PFKFB1: variants seen among roughly 807,000 people sequenced by gnomAD.
The protein encoded by PFKFB1 is 6-phosphofructo-2-kinase/fructose-2,6-biphosphatase 1.
Under a neutral mutation model 46.4 loss-of-function variants are expected in PFKFB1, and 34 were observed. That is an observed-to-expected ratio of 0.73 (90% confidence interval 0.56 to 0.98). The LOEUF (loss-of-function observed/expected upper bound fraction) is 0.98. Among genes scored for constraint, PFKFB1 ranks in the 50% least tolerant of loss-of-function variants. PFKFB1 has a pLI of 0.00. For synonymous variants in PFKFB1, 119 were observed against 133.8 expected, an observed-to-expected ratio of 0.89 and a Z score of 0.76; for missense variants, 393 against 376.3, an observed-to-expected ratio of 1.04 and a Z score of -0.37.
At chrX:54,994,328 G>A (rs1935323271), upstream of PFKFB1, 1 of 752,076 alleles carries the variant, frequency 1.3e-6, no homozygotes, top group Non-Finnish European at 1.6e-6. Context: ...AACAAGGAAG[G>A]CAGCCAGCAA....
At chrX:54,992,113 G>C (rs1935257493) in intron 1 of PFKFB1, among the ~76,000 whole-genome samples, 1 of 111,066 alleles carries the variant, frequency 9.0e-6, no homozygotes, top group Non-Finnish European at 1.9e-5. Context: ...ATGAGTGACT[G>C]TCTTGTACAC....
chrX:54,955,460 G>T (rs1353360292), intron 7 of PFKFB1, among the ~76,000 whole-genome samples: 1 of 109,602 alleles, frequency 9.1e-6, no homozygotes, highest in African/African-American at 3.5e-5. Context: ...TCTTTAGTTG[G>T]TATGATGACA....
rs147013214 is a variant in PFKFB1 at position 54,960,889 on chromosome X, C to T, written c.252G>A (p.Glu84=). ...KVFNLGQYRR[E]AVSYKNYEFF... Reference sequence around the variant, plus strand: ...ATTCATAGTTCTTGTAGCTCACTGCCTCTCGTCGATACTGGCCTAAATTAA... The same window carrying T: ...ATTCATAGTTCTTGTAGCTCACTGCTTCTCGTCGATACTGGCCTAAATTAA... The change falls in exon 3 of 14, where the codon GAG becomes GAA. Residue 84 remains glutamate, a synonymous_variant. Transcript: ENST00000375006. The T allele has an allele frequency of 6.0e-3, 7,114 of 1,190,212 alleles. 14 individuals carry two copies. The highest frequency in any genetic ancestry group is 7.2e-3 in the Non-Finnish European group (6,343 of 880,141).
In PFKFB1 at chrX:54,989,009, T is replaced by C. The variant is rs769527439; in HGVS notation, c.97+4902A>G. Reference sequence around the variant, plus strand: ...GCCACATATTGTATGATTCCCCTTATATAAAATGTCCAGAATAGGCAAATT... The same window carrying C: ...GCCACATATTGTATGATTCCCCTTACATAAAATGTCCAGAATAGGCAAATT... On this transcript the variant is annotated intron_variant, in intron 1 of 13. Coordinates refer to ENST00000375006, the MANE Select transcript of PFKFB1 (RefSeq NM_002625.4). Among the ~76,000 whole-genome samples the C allele has an allele frequency of 6.3e-4, 71 of 112,005 alleles. No individual in the cohort carries two copies. In the South Asian group the frequency reaches 8.5e-3, roughly 13 times the overall value.
chrX:54,942,686 C>T, intron 10 of PFKFB1, among the ~76,000 whole-genome samples: 1 of 110,743 alleles, frequency 9.0e-6, no homozygotes, highest in Non-Finnish European at 1.9e-5. Flanking sequence ...GAAGAGAACC[C>T]TAAAAACTTA....
In PFKFB1 at chrX:54,957,625, G is replaced by A. The variant is rs143320354; in HGVS notation, c.516+681C>T. ...AATGACCTATTAATAAAAATTACAG[G>A]GAGGCAGATTCCAGCTTGACTGGAC... On this transcript the variant is annotated intron_variant, in intron 6 of 13. Transcript: ENST00000375006. 1.2e-4 allele frequency among the ~76,000 whole-genome samples: 13 copies of A among 111,397 alleles called. No individual in the cohort carries two copies. In the East Asian group the frequency reaches 3.7e-3, roughly 31 times the overall value.
chrX:54,992,058 T>C (rs1400172210), intron 1 of PFKFB1, among the ~76,000 whole-genome samples: 3 of 109,792 alleles, frequency 2.7e-5, no homozygotes, highest in Non-Finnish European at 5.6e-5. Flanking sequence ...AACCACTATC[T>C]AAGTTTTTTG....
At chrX:54,943,328 T>G (rs1232188334) in intron 10 of PFKFB1, among the ~76,000 whole-genome samples, 1 of 111,849 alleles carries the variant, frequency 8.9e-6, no homozygotes. Context: ...ACTTTCAAAG[T>G]GCTGAGAGAA....
intron 8 of PFKFB1, 33 bp from the exon 9 acceptor site, chrX:54,949,254 G>C (rs758261592): frequency 8.8e-7 from 1 of 1,140,677 alleles, no homozygotes; most frequent in South Asian, 2.1e-5. Context: ...AGGAGAGAAG[G>C]GGAAAAGGAG....
At chrX:54,968,611 C>T (rs1277064023) in intron 1 of PFKFB1, among the ~76,000 whole-genome samples, 2 of 110,886 alleles carry the variant, frequency 1.8e-5, no homozygotes, top group Non-Finnish European at 3.8e-5. Context: ...CACATAAATT[C>T]GACAACATAG....
At chrX:54,962,126 A>G (rs1014639143) in intron 2 of PFKFB1, among the ~76,000 whole-genome samples, 1 of 110,599 alleles carries the variant, frequency 9.0e-6, no homozygotes, top group African/African-American at 3.3e-5. Context: ...TTGAGTGAAG[A>G]AGATAGAAAG....
upstream of PFKFB1, chrX:54,994,804 C>T (rs1935333563): frequency 1.3e-6 from 1 of 751,009 alleles, no homozygotes; most frequent in Non-Finnish European, 1.6e-6. Flanking sequence ...GATCATCTTT[C>T]TACTCTCTCC....
At chrX:54,936,117 C>T (rs1447386921) in intron 11 of PFKFB1, among the ~76,000 whole-genome samples, 1 of 111,201 alleles carries the variant, frequency 9.0e-6, no homozygotes, top group African/African-American at 3.3e-5. Context: ...ACTGTACACC[C>T]TCCTTGTACA....
At chrX:54,986,030 C>T (rs1435304707) in intron 1 of PFKFB1, among the ~76,000 whole-genome samples, 1 of 111,673 alleles carries the variant, frequency 9.0e-6, no homozygotes, top group Non-Finnish European at 1.9e-5. Context: ...CATATTTAAA[C>T]CAACTATATC....
At chrX:54,945,701 C>CGT (rs72018084) in intron 9 of PFKFB1, among the ~76,000 whole-genome samples, 158 bp from the exon 10 acceptor site, 4,132 of 101,697 alleles carry the variant, frequency 0.041, 142 homozygotes, top group African/African-American at 0.099. Context: ...AGTGTGTATG[C>CGT]GTGTGTGTGT....
chrX:54,958,937 T>A lies in PFKFB1; in HGVS notation c.385-12A>T. On this transcript the variant is annotated splice_polypyrimidine_tract_variant and intron_variant, in intron 4 of 13. Transcript: ENST00000375006. ...GTGGCATCAAAAACCTAGAGGCAGGTAATGAGATTGGCTTACTCTGAATCT... is the reference window on the plus strand; with the variant it reads ...GTGGCATCAAAAACCTAGAGGCAGGAAATGAGATTGGCTTACTCTGAATCT... 4.5e-6 allele frequency: 5 copies of A among 1,106,052 alleles called. No homozygotes were observed. The highest frequency in any genetic ancestry group is 5.0e-6 in the Non-Finnish European group (4 of 800,188). 91.2% of individuals were successfully genotyped at this position (1,106,052 alleles called of 1,213,427 possible).
At chrX:54,993,572 C>T (rs1349521469) in intron 1 of PFKFB1, among the ~76,000 whole-genome samples, 1 of 112,189 alleles carries the variant, frequency 8.9e-6, no homozygotes, top group Non-Finnish European at 1.9e-5. Flanking sequence ...ATGAAACATA[C>T]TAGGCTATCA....
chrX:54,933,145 A>G lies in PFKFB1; in HGVS notation c.*258T>C. 2.6e-6 allele frequency: 1 copy of G among 384,110 alleles called. No individual in the cohort carries two copies. The highest frequency in any genetic ancestry group is 4.5e-6 in the Non-Finnish European group (1 of 220,122). The allele number at this position is 384,110 out of a possible 1,213,427, so 31.7% of individuals were successfully genotyped here. On this transcript the variant is annotated 3_prime_UTR_variant, in exon 14 of 14. Transcript: ENST00000375006. ...GAACAACTGGAAAAGCCTCGCCATGACCTCCTCCTCTCCTCTTGTAGGCAG... is the reference window on the plus strand; with the variant it reads ...GAACAACTGGAAAAGCCTCGCCATGGCCTCCTCCTCTCCTCTTGTAGGCAG...
At chrX:54,957,690 T>C (rs1934192517) in intron 6 of PFKFB1, among the ~76,000 whole-genome samples, 1 of 111,256 alleles carries the variant, frequency 9.0e-6, no homozygotes, top group African/African-American at 3.3e-5. Flanking sequence ...TCATTGCAGG[T>C]ATAAAAAGAA....
Sources: allele counts gnomAD v4.1 joint callset (sites outside exome capture counted in the v4.1 genomes callset), GRCh38; gene constraint gnomAD v4.1.1; transcripts MANE v1.5; gene names NCBI Gene and HGNC (gene_info 2026-07-23, HGNC 2026-07-21).